Variants in ZWILCH observed in about 807,000 individuals in gnomAD.
ZWILCH encodes the protein protein zwilch homolog.
Under a neutral mutation model 79.9 loss-of-function variants are expected in ZWILCH, and 74 were observed. That is an observed-to-expected ratio of 0.93 (90% CI 0.77 to 1.12). ZWILCH has a LOEUF of 1.12. Ranked by LOEUF, ZWILCH falls within the 50% of genes most tolerant of loss-of-function variation. The pLI is 0.00. For synonymous variants in ZWILCH, 241 were observed against 228.2 expected (o/e 1.06, Z -0.51); for missense variants, 694 against 687.5 (o/e 1.01, Z -0.11).
intron 4 of ZWILCH, among the ~76,000 whole-genome samples, chr15:66,516,372 T>G (rs1222870451): frequency 6.6e-6 from 1 of 152,206 alleles, no homozygotes; most frequent in Non-Finnish European, 1.5e-5. Flanking sequence ...AAAAAGTCCT[T>G]GTCTTCAGGG....
Position 66,508,821 on chromosome 15 carries a change from C to G in ZWILCH, c.54-20C>G, listed in dbSNP as rs1360040263. 6.2e-7 allele frequency: 1 copy of G among 1,613,766 alleles called. No homozygotes were observed. Among genetic ancestry groups the G allele is most frequent in the East Asian group, 2.2e-5 (1 of 44,864 alleles). ...AGAGATAATGTAGTTCTGTTTTTCA[C>G]ATGTGGTTCTGCGTTTCAGGAAATT... On this transcript the variant is annotated intron_variant, in intron 1 of 18. Transcript: ENST00000307897.
intron 8 of ZWILCH, among the ~76,000 whole-genome samples, chr15:66,527,015 A>T (rs1009745891): frequency 2.0e-5 from 3 of 152,136 alleles, no homozygotes; most frequent in African/African-American, 7.2e-5. Context: ...ACCACTGGGT[A>T]TATATCCTGA....
chr15:66,547,961 A>G (rs575145300), intron 18 of ZWILCH: 5 of 151,964 alleles, frequency 3.3e-5, no homozygotes, highest in African/African-American at 1.2e-4. Context: ...TAGTTTCTAT[A>G]TTTTTAGTAG....
chr15:66,534,612 G>C (rs1022195081), intron 14 of ZWILCH, among the ~76,000 whole-genome samples: 1 of 152,138 alleles, frequency 6.6e-6, no homozygotes, highest in Non-Finnish European at 1.5e-5. Flanking sequence ...GAATACTGTA[G>C]GTAATTGTAA....
chr15:66,533,997 T>C (rs1328165657), intron 14 of ZWILCH, among the ~76,000 whole-genome samples: 1 of 152,068 alleles, frequency 6.6e-6, no homozygotes, highest in African/African-American at 2.4e-5. Context: ...TCCCAGCTAC[T>C]TGGGAGGCTG....
chr15:66,544,724 T>TTTTTTTTTGTGTGTGTGTGTGTG, intron 17 of ZWILCH, among the ~76,000 whole-genome samples: 1 of 128,544 alleles, frequency 7.8e-6, no homozygotes, highest in East Asian at 2.5e-4. Flanking sequence ...TTTTTGGTTT[T>TTTTTTTTTGTGTGTGTGTGTGTG]TGTGTGTGTG....
At position 66,515,642 on chromosome 15, in the gene ZWILCH, A is replaced by G; in HGVS notation, c.318A>G (p.Ala106=). 2 of 1,608,524 alleles carry G rather than the reference A, an allele frequency of 1.2e-6. No homozygotes were observed. Among genetic ancestry groups the G allele is most frequent in the Non-Finnish European group, 1.7e-6 (2 of 1,175,426 alleles). ...CACTTGCTTTACCAGTTGGGAAGGC[A>G]AGGTAGGTTTTCTCTTATGCTGAGT... ...VGPLALPVGK[A]RQLIGLYTMA... is the part of the protein sequence containing the mutation. Residue 106 remains alanine (A), a splice_region_variant and synonymous_variant, in exon 4 of 19, where the codon GCA becomes GCG. Coordinates refer to ENST00000307897, the MANE Select transcript of ZWILCH (RefSeq NM_017975.5).
intron 8 of ZWILCH, among the ~76,000 whole-genome samples, chr15:66,526,006 C>T (rs189675647): frequency 1.5e-3 from 230 of 152,078 alleles, no homozygotes; most frequent in Non-Finnish European, 2.5e-3. Flanking sequence ...TCAAGTGATC[C>T]ACCTGTCTCG....
chr15:66,525,337 T>C (rs1259583842), intron 8 of ZWILCH, among the ~76,000 whole-genome samples: 1 of 152,212 alleles, frequency 6.6e-6, no homozygotes, highest in African/African-American at 2.4e-5. Flanking sequence ...TAAATGTGTG[T>C]TTGTCTAATT....
chr15:66,542,426 A>G (rs537357293), intron 17 of ZWILCH, among the ~76,000 whole-genome samples: 11 of 152,276 alleles, frequency 7.2e-5, no homozygotes, highest in Non-Finnish European at 8.8e-5. Flanking sequence ...TCTACTGAAA[A>G]TACAAAAACT....
intron 10 of ZWILCH, among the ~76,000 whole-genome samples, chr15:66,528,361 C>T (rs1272298694): frequency 1.3e-5 from 2 of 152,162 alleles, no homozygotes; most frequent in Non-Finnish European, 1.5e-5. Flanking sequence ...GCATTGGCCT[C>T]CCAAAGTGCT....
intron 8 of ZWILCH, among the ~76,000 whole-genome samples, chr15:66,526,372 T>C (rs1386127796): frequency 6.6e-6 from 1 of 152,084 alleles, no homozygotes; most frequent in Non-Finnish European, 1.5e-5. Flanking sequence ...TCTTATTTCA[T>C]GCCGTTTTCC....
chr15:66,530,319 C>G lies in ZWILCH; in HGVS notation c.1155+746C>G, dbSNP rs1233834464. ...ATATGCTAAAAATCTTAATAGCAGT[C>G]ACCTCTGGTGGAAGGGTTACAAATG... On this transcript the variant is annotated intron_variant, in intron 12 of 18. Transcript: ENST00000307897. Among the ~76,000 whole-genome samples, 3 of 152,134 alleles carry G rather than the reference C, an allele frequency of 2.0e-5. No homozygotes were observed. The East Asian group carries it at 5.8e-4, about 29-fold the overall frequency.
intron 8 of ZWILCH, among the ~76,000 whole-genome samples, chr15:66,526,638 T>G (rs1232293461): frequency 6.6e-6 from 1 of 151,950 alleles, no homozygotes; most frequent in African/African-American, 2.4e-5. Flanking sequence ...TTTTTTGTAT[T>G]TTTATAGTAG....
At position 66,548,365 on chromosome 15, in the gene ZWILCH, A is replaced by G; in HGVS notation, c.*41A>G. ...TTAAATCCCAGCACAAGCCAAAAAG[A>G]GAAAGAGAAAAAAAGGTAATTATTG... On this transcript the variant is annotated 3_prime_UTR_variant, in exon 19 of 19. Transcript: ENST00000307897. 1 of 487,242 alleles carries G rather than the reference A, an allele frequency of 2.1e-6. No homozygotes were observed. The allele number at this position is 487,242 out of a possible 1,614,324, so 30.2% of individuals were successfully genotyped here.
intron 3 of ZWILCH, 93 bp downstream of exon 3, chr15:66,514,176 A>G (rs1054819675): frequency 2.4e-6 from 2 of 823,136 alleles, no homozygotes; most frequent in South Asian, 3.6e-5. Context: ...TAAAATCAGC[A>G]TCGGTGAAAA....
chr15:66,512,731 C>G (rs1894114414), intron 2 of ZWILCH, among the ~76,000 whole-genome samples: 1 of 151,982 alleles, frequency 6.6e-6, no homozygotes, highest in African/African-American at 2.4e-5. Context: ...GCTTAGCCTC[C>G]CGAGTAGCTG....
Position 66,505,328 on chromosome 15 carries a change from A to G in ZWILCH, c.-11A>G, listed in dbSNP as rs544654618. 149 of 1,613,570 alleles carry G rather than the reference A, an allele frequency of 9.2e-5. No individual in the cohort carries two copies. Among genetic ancestry groups the G allele is most frequent in the Middle Eastern group, 3.3e-4 (2 of 6,060 alleles). ...TTGGCGGTTCCGGTACCGCTCTCAC[A>G]TTGGGGCGGGATGTGGGAGCGGCTG... On this transcript the variant is annotated 5_prime_UTR_variant, in exon 1 of 19. Coordinates refer to ENST00000307897, the MANE Select transcript of ZWILCH (RefSeq NM_017975.5).
Position 66,550,092 on chromosome 15 carries a change from A to G in ZWILCH, c.*1768A>G. 1 of 1,602,272 alleles carries G rather than the reference A, an allele frequency of 6.2e-7. No homozygotes were observed. The highest frequency in any genetic ancestry group is 1.1e-5 in the South Asian group (1 of 88,454). ...GAGCAAGTTTCCAAAGCTTTGAGGT[A>G]CCAACTTTCCACCTAATAAAAACCC... On this transcript the variant is annotated 3_prime_UTR_variant, in exon 19 of 19. Coordinates refer to ENST00000307897, the MANE Select transcript of ZWILCH (RefSeq NM_017975.5).
Sources: allele counts gnomAD v4.1 joint callset (sites outside exome capture counted in the v4.1 genomes callset), GRCh38; gene constraint gnomAD v4.1.1; transcripts MANE v1.5; gene names NCBI Gene and HGNC (gene_info 2026-07-23, HGNC 2026-07-21).